The following DHRSX variants were observed in gnomAD, a reference collection of about 807,000 sequenced individuals.
The protein encoded by DHRSX is polyprenol dehydrogenase.
A neutral mutation model predicts 34.0 loss-of-function variants in DHRSX; 31 were observed. The observed-to-expected ratio is 0.91, with a 90% confidence interval of 0.69 to 1.23. The LOEUF (loss-of-function observed/expected upper bound fraction) is 1.23, where lower values mean the gene tolerates loss of function less well. Among genes scored for constraint, DHRSX ranks in the 50% most tolerant of loss-of-function variants. DHRSX has a pLI of 0.00. For missense variants in DHRSX, 414 were observed against 428.1 expected (o/e 0.97, Z 0.29); for synonymous variants, 201 against 183.8 (o/e 1.09, Z -0.76).
At chrX:2,476,865 G>A (rs776373252) in intron 1 of DHRSX, among the ~76,000 whole-genome samples, 1 of 152,208 alleles carries the variant, frequency 6.6e-6, no homozygotes, top group East Asian at 1.9e-4. Context: ...AGCCGGGTGT[G>A]GTAGTGCATG....
chrX:2,405,971 C>T (rs755780101), intron 3 of DHRSX, among the ~76,000 whole-genome samples: 2 of 151,208 alleles, frequency 1.3e-5, no homozygotes, highest in Admixed American at 1.3e-4. Context: ...ATTTGGATGG[C>T]CAACAGGTAT....
chrX:2,373,219 T>G (rs2043100938), intron 3 of DHRSX, among the ~76,000 whole-genome samples: 1 of 152,144 alleles, frequency 6.6e-6, no homozygotes, highest in Non-Finnish European at 1.5e-5. Flanking sequence ...CATGATTCAA[T>G]TTCCTCCACC....
intron 5 of DHRSX, among the ~76,000 whole-genome samples, chrX:2,253,546 C>T (rs1428843164): frequency 6.6e-6 from 1 of 152,220 alleles, no homozygotes; most frequent in Admixed American, 6.5e-5. Flanking sequence ...GCAAAGATGG[C>T]GCCACTGCAC....
chrX:2,285,118 CAG>C (rs1203273895), intron 4 of DHRSX, among the ~76,000 whole-genome samples: 1 of 152,130 alleles, frequency 6.6e-6, no homozygotes, highest in African/African-American at 2.4e-5. Context: ...TTTCTGAAGA[CAG>C]AAGGTGGAGG....
At chrX:2,246,707 A>AGAAAGAAAGAAAGAAAG (rs1440534118) in intron 5 of DHRSX, among the ~76,000 whole-genome samples, 2 of 14,110 alleles carry the variant, frequency 1.4e-4, no homozygotes, top group African/African-American at 5.4e-4. Flanking sequence ...AGAAAGAAAG[A>AGAAAGAAAGAAAGAAAG]GAAAGAAAGA....
chrX:2,327,079 C>A (rs1006776449), intron 3 of DHRSX, among the ~76,000 whole-genome samples: 1 of 152,222 alleles, frequency 6.6e-6, no homozygotes. Flanking sequence ...TCCCAAGGTG[C>A]TGGGATTACA....
At chrX:2,499,632 C>T (rs1262820881) in intron 1 of DHRSX, among the ~76,000 whole-genome samples, 2 of 151,262 alleles carry the variant, frequency 1.3e-5, no homozygotes, top group Admixed American at 6.6e-5. Flanking sequence ...ATTAGCCAGG[C>T]GTGGTGGCTC....
At chrX:2,480,169 G>C (rs1034437261) in intron 1 of DHRSX, among the ~76,000 whole-genome samples, 79 of 152,068 alleles carry the variant, frequency 5.2e-4, no homozygotes, top group Admixed American at 2.4e-3. Context: ...GACACACAAT[G>C]GAATAGTATG....
intron 1 of DHRSX, among the ~76,000 whole-genome samples, chrX:2,450,870 G>T (rs1275560505): frequency 1.4e-4 from 21 of 152,030 alleles, no homozygotes; most frequent in Non-Finnish European, 5.9e-5. Context: ...GGAGGTGGGA[G>T]ACTTGGGAGG....
intron 3 of DHRSX, among the ~76,000 whole-genome samples, chrX:2,349,789 T>C (rs62583738): frequency 0.38 from 57,289 of 151,130 alleles, 12,928 homozygotes; most frequent in Non-Finnish European, 0.5. Flanking sequence ...CGCCTGTAAT[T>C]CCAGCACTTT....
intron 1 of DHRSX, among the ~76,000 whole-genome samples, chrX:2,450,101 A>G (rs4892905): frequency 0.63 from 95,305 of 151,658 alleles, 31,622 homozygotes; most frequent in African/African-American, 0.85. Flanking sequence ...CACCCAGGAC[A>G]AATAAGTGCA....
chrX:2,349,262 T>C (rs772896474), intron 3 of DHRSX, among the ~76,000 whole-genome samples: 2 of 151,692 alleles, frequency 1.3e-5, no homozygotes, highest in Non-Finnish European at 2.9e-5. Flanking sequence ...GTTCAATAGA[T>C]GAATGGATGA....
At chrX:2,233,314 C>T (rs1284378898) in intron 6 of DHRSX, among the ~76,000 whole-genome samples, 8 of 151,976 alleles carry the variant, frequency 5.3e-5, no homozygotes, top group Non-Finnish European at 8.8e-5. Flanking sequence ...ATACACAAGA[C>T]GGTCCTGTAA....
intron 2 of DHRSX, among the ~76,000 whole-genome samples, chrX:2,420,054 G>A (rs2043756256): frequency 1.3e-5 from 2 of 152,156 alleles, no homozygotes; most frequent in East Asian, 3.8e-4. Context: ...GAGAGTTAGG[G>A]ACATGGATGA....
At chrX:2,456,331 C>A (rs1053577877) in intron 1 of DHRSX, among the ~76,000 whole-genome samples, 1 of 152,000 alleles carries the variant, frequency 6.6e-6, no homozygotes, top group Admixed American at 6.6e-5. Context: ...ATGAAGGGTG[C>A]GGCCGGGCGC....
chrX:2,365,919 T>A (rs937661459), intron 3 of DHRSX, among the ~76,000 whole-genome samples: 2 of 152,094 alleles, frequency 1.3e-5, no homozygotes, highest in African/African-American at 4.8e-5. Context: ...ACATATGAAC[T>A]AGTTCTAGGA....
intron 3 of DHRSX, among the ~76,000 whole-genome samples, chrX:2,369,307 ACT>A (rs1314972338): frequency 6.6e-6 from 1 of 152,128 alleles, no homozygotes; most frequent in Non-Finnish European, 1.5e-5. Flanking sequence ...TTCAGGCGAA[ACT>A]CTCACCACTA....
At chrX:2,401,656 C>G (rs1302337033) in intron 3 of DHRSX, among the ~76,000 whole-genome samples, 1 of 152,176 alleles carries the variant, frequency 6.6e-6, no homozygotes, top group African/African-American at 2.4e-5. Context: ...CATTTGAACA[C>G]GGCTATGCCT....
At chrX:2,321,038 A>C (rs1569488411) in intron 3 of DHRSX, among the ~76,000 whole-genome samples, 1 of 152,088 alleles carries the variant, frequency 6.6e-6, no homozygotes, top group Non-Finnish European at 1.5e-5. Flanking sequence ...CTTCTGTGCC[A>C]CTTCAGCCGA....
Sources: allele counts gnomAD v4.1 joint callset (sites outside exome capture counted in the v4.1 genomes callset), GRCh38; gene constraint gnomAD v4.1.1; transcripts MANE v1.5; gene names NCBI Gene and HGNC (gene_info 2026-07-23, HGNC 2026-07-21).